FAM227B: variants seen among roughly 807,000 people sequenced by gnomAD.
FAM227B encodes protein FAM227B.
In FAM227B, 88 loss-of-function variants were observed where a neutral mutation model predicts 73.8. The observed-to-expected ratio is 1.19, with a 90% CI of 1.00 to 1.42. The LOEUF is 1.42. Among genes scored for constraint, FAM227B ranks in the 40% most tolerant of loss-of-function variants. FAM227B has a pLI of 0.00. For missense variants in FAM227B, 632 were observed against 590.9 expected (o/e 1.07, Z -0.72); for synonymous variants, 210 against 190.5 (o/e 1.10, Z -0.84).
At chr15:49,470,669 T>C (rs1042746543) in intron 11 of FAM227B, among the ~76,000 whole-genome samples, 3 of 152,202 alleles carry the variant, frequency 2.0e-5, no homozygotes, top group East Asian at 1.9e-4. Flanking sequence ...GTTGAAAAAA[T>C]GGGCATAGCA....
At chr15:49,375,570 G>A (rs1206092067) in intron 11 of FAM227B, among the ~76,000 whole-genome samples, 1 of 151,986 alleles carries the variant, frequency 6.6e-6, no homozygotes, top group Non-Finnish European at 1.5e-5. Context: ...AAGGCTCTGT[G>A]GAGCCAAACA....
chr15:49,617,094 A>G (rs747633335), intron 1 of FAM227B, among the ~76,000 whole-genome samples: 2 of 152,176 alleles, frequency 1.3e-5, no homozygotes, highest in Admixed American at 6.5e-5. Context: ...TTGCTCTACT[A>G]TGAAGCTGAA....
At chr15:49,516,659 T>C (rs1437335620) in intron 10 of FAM227B, among the ~76,000 whole-genome samples, 1 of 152,038 alleles carries the variant, frequency 6.6e-6, no homozygotes. Flanking sequence ...GGTTGTGACA[T>C]AGTCTAGCCA....
chr15:49,494,256 AACACACACACAC>A (rs374477211), intron 11 of FAM227B, among the ~76,000 whole-genome samples: 2 of 140,604 alleles, frequency 1.4e-5, no homozygotes, highest in Admixed American at 7.5e-5. Context: ...GAGACACACA[AACACACACACAC>A]ACACACACAC....
intron 11 of FAM227B, among the ~76,000 whole-genome samples, chr15:49,496,392 T>C (rs930727491): frequency 6.6e-6 from 1 of 152,198 alleles, no homozygotes; most frequent in Non-Finnish European, 1.5e-5. Context: ...GGTATAAAAA[T>C]AGTTTTTAAA....
At chr15:49,606,126 C>T (rs2077505216) in intron 3 of FAM227B, 2 of 152,178 alleles carry the variant, frequency 1.3e-5, no homozygotes, top group South Asian at 4.1e-4. Flanking sequence ...GCCTAGGACT[C>T]CCATATAGTG....
At chr15:49,611,149 T>A (rs1411628185) in intron 3 of FAM227B, 66 bp downstream of exon 3, 2 of 985,136 alleles carry the variant, frequency 2.0e-6, no homozygotes, top group East Asian at 4.8e-5. Flanking sequence ...TTCTAAGCCT[T>A]CTAAATCTCC....
At chr15:49,408,833 G>T (rs950078623) in intron 11 of FAM227B, among the ~76,000 whole-genome samples, 1 of 145,184 alleles carries the variant, frequency 6.9e-6, no homozygotes, top group Non-Finnish European at 1.5e-5. Context: ...TGTTGTGGTG[G>T]TTTTTTCTGG....
At position 49,393,626 on chromosome 15, in the gene FAM227B, G is replaced by A. The variant is rs1326052518; in HGVS notation, c.1013-22227C>T. Among the ~76,000 whole-genome samples, 5 of 152,064 alleles carry A rather than the reference G, an allele frequency of 3.3e-5. No individual in the cohort carries two copies. In the East Asian group the frequency reaches 9.6e-4, roughly 29 times the overall value. On this transcript the variant is annotated intron_variant, in intron 11 of 15. Coordinates refer to ENST00000299338, the MANE Select transcript of FAM227B (RefSeq NM_152647.3). ...AACCAAGTCCTTTCTCAGTGAATGA[G>A]AAATTAACAGTTAAAATGAATGAAT... is the stretch of plus-strand genomic sequence containing the variant.
intron 11 of FAM227B, among the ~76,000 whole-genome samples, chr15:49,498,659 TA>T: frequency 6.6e-6 from 1 of 152,196 alleles, no homozygotes; most frequent in Non-Finnish European, 1.5e-5. Flanking sequence ...TCAAGCTTTT[TA>T]AAAGGCACAG....
intron 11 of FAM227B, among the ~76,000 whole-genome samples, chr15:49,412,501 A>G (rs1461119613): frequency 6.6e-6 from 1 of 151,638 alleles, no homozygotes; most frequent in Non-Finnish European, 1.5e-5. Flanking sequence ...TGTTATTCTT[A>G]AAATTTTTTT....
chr15:49,607,526 G>A (rs1289948990), intron 3 of FAM227B, among the ~76,000 whole-genome samples: 1 of 152,144 alleles, frequency 6.6e-6, no homozygotes, highest in African/African-American at 2.4e-5. Context: ...TGAGGGAGAA[G>A]GAAGAGGCTA....
chr15:49,483,371 T>C (rs2056126058), intron 11 of FAM227B: 1 of 604,572 alleles, frequency 1.7e-6, no homozygotes, highest in Admixed American at 2.9e-5. Flanking sequence ...ATTTAATGAT[T>C]TTATTAAAAC....
chr15:49,430,542 G>C lies in FAM227B; in HGVS notation c.1013-59143C>G, dbSNP rs767644794. On this transcript the variant is annotated intron_variant, in intron 11 of 15. Transcript: ENST00000299338. ...TGATATAAGAGAATACTGCAGATTGGATAATTTATAAAGAAAAGAAATTTA... is the reference window on the plus strand; with the variant it reads ...TGATATAAGAGAATACTGCAGATTGCATAATTTATAAAGAAAAGAAATTTA... Among the ~76,000 whole-genome samples, 6 of 151,822 alleles carry C rather than the reference G, an allele frequency of 4.0e-5. 1 individual carries two copies. Among genetic ancestry groups the C allele is most frequent in the Admixed American group, 1.3e-4 (2 of 15,196 alleles).
chr15:49,595,025 T>C (rs2076810605), intron 3 of FAM227B, among the ~76,000 whole-genome samples: 1 of 152,174 alleles, frequency 6.6e-6, no homozygotes. Flanking sequence ...AGTACGGTCA[T>C]TTTCACGATA....
At chr15:49,570,885 A>G (rs2075049035) in intron 8 of FAM227B, among the ~76,000 whole-genome samples, 1 of 147,556 alleles carries the variant, frequency 6.8e-6, no homozygotes, top group African/African-American at 2.5e-5. Flanking sequence ...GCATTTATAT[A>G]ATTTATTAAT....
At chr15:49,520,008 A>C (rs1330147239) in intron 10 of FAM227B, among the ~76,000 whole-genome samples, 1 of 152,194 alleles carries the variant, frequency 6.6e-6, no homozygotes, top group Non-Finnish European at 1.5e-5. Context: ...CCCAAGTCAC[A>C]TCTTGAATGC....
intron 11 of FAM227B, among the ~76,000 whole-genome samples, chr15:49,435,514 T>G (rs1022210505): frequency 6.6e-6 from 1 of 151,602 alleles, no homozygotes; most frequent in East Asian, 1.9e-4. Flanking sequence ...TCTTTGTTTT[T>G]GCAAAATTAG....
chr15:49,549,582 C>T (rs949410235), intron 9 of FAM227B, among the ~76,000 whole-genome samples: 16 of 151,878 alleles, frequency 1.1e-4, no homozygotes, highest in Admixed American at 2.6e-4. Flanking sequence ...ACATCTTGCA[C>T]CGCCCTTAAT....
Sources: gnomAD v4.1 joint callset for allele counts (sites outside exome capture counted in the v4.1 genomes callset) on GRCh38, gnomAD v4.1.1 for gene constraint, MANE v1.5 for transcripts, NCBI Gene and HGNC (gene_info 2026-07-23, HGNC 2026-07-21) for gene names.